DGAT1: variants seen among roughly 807,000 people sequenced by gnomAD.
DGAT1 encodes diacylglycerol O-acyltransferase 1, also known as ACAT related gene product 1.
Under a neutral mutation model 72.6 loss-of-function variants are expected in DGAT1, and 60 were observed. The observed-to-expected ratio is 0.83, with a 90% CI of 0.67 to 1.02. The LOEUF (loss-of-function observed/expected upper bound fraction) is 1.02, where lower values mean the gene tolerates loss of function less well. DGAT1 is among the 50% of genes least tolerant of loss of function. The pLI is 0.00. For synonymous variants in DGAT1, 290 were observed against 267.5 expected, an observed-to-expected ratio of 1.08 and a Z score of -0.82; for missense variants, 592 against 670.0, an observed-to-expected ratio of 0.88 and a Z score of 1.29.
At chr8:144,320,028 C>CA (rs1305441136) in intron 2 of DGAT1, among the ~76,000 whole-genome samples, 1 of 152,236 alleles carries the variant, frequency 6.6e-6, no homozygotes. Context: ...GCAGGGCTGA[C>CA]ACACAGGCCT....
chr8:144,325,221 G>A (rs1817569355), intron 1 of DGAT1, among the ~76,000 whole-genome samples: 1 of 151,938 alleles, frequency 6.6e-6, no homozygotes, highest in Admixed American at 6.6e-5. Flanking sequence ...CAGCACCCCA[G>A]GCCCACAGCA....
In DGAT1 at chr8:144,317,320, C is replaced by G. The variant is rs2130513760; in HGVS notation, c.1094+13G>C. The G allele has an allele frequency of 1.2e-6, 2 of 1,613,346 alleles. No homozygotes were observed. Among genetic ancestry groups the G allele is most frequent in the South Asian group, 1.1e-5 (1 of 91,076 alleles). ...CCCATCCCAGCCCCCAGGGACACCC[C>G]AGGGACACTCACCACCAGTCCCGGT... is the stretch of plus-strand genomic sequence containing the variant. On this transcript the variant is annotated intron_variant, in intron 13 of 16. Coordinates refer to ENST00000528718, the MANE Select transcript of DGAT1 (RefSeq NM_012079.6).
At chr8:144,317,162 T>TCA (rs201213845) in intron 14 of DGAT1, 25 bp downstream of exon 14, 56 of 1,598,644 alleles carry the variant, frequency 3.5e-5, no homozygotes, top group South Asian at 1.5e-4. Context: ...ATGTTCCACA[T>TCA]CACACACACA....
At position 144,321,439 on chromosome 8, in the gene DGAT1, G is replaced by A. The variant is rs1428802015; in HGVS notation, c.201-31C>T. On this transcript the variant is annotated intron_variant, in intron 1 of 16. Coordinates refer to ENST00000528718, the MANE Select transcript of DGAT1 (RefSeq NM_012079.6). ...AGAGCACAACACAAGCACCCCCTGA[G>A]TGGGCACCAGCAGGGCAGCGCCACC... 5 of 1,601,194 alleles carry A rather than the reference G, an allele frequency of 3.1e-6. No individual in the cohort carries two copies. The Admixed American group carries it at 8.3e-5, about 27-fold the overall frequency.
chr8:144,322,988 G>A (rs565953934), intron 1 of DGAT1, among the ~76,000 whole-genome samples: 4 of 152,296 alleles, frequency 2.6e-5, no homozygotes, highest in South Asian at 2.1e-4. Flanking sequence ...CCCCAGCACC[G>A]TGACGGGAGC....
chr8:144,326,139 G>A (rs1251859560), intron 1 of DGAT1, among the ~76,000 whole-genome samples: 1 of 152,020 alleles, frequency 6.6e-6, no homozygotes, highest in Non-Finnish European at 1.5e-5. Context: ...GCCCCCACCA[G>A]CCCGCCCCTC....
intron 1 of DGAT1, among the ~76,000 whole-genome samples, chr8:144,325,006 G>A (rs1817559663): frequency 6.6e-6 from 1 of 152,056 alleles, no homozygotes; most frequent in African/African-American, 2.4e-5. Context: ...AGAGGTTGCA[G>A]TGAGCCAAGA....
intron 1 of DGAT1, among the ~76,000 whole-genome samples, chr8:144,325,505 C>A (rs1447707224): frequency 1.3e-5 from 2 of 152,174 alleles, no homozygotes; most frequent in Admixed American, 6.5e-5. Context: ...GCCTTGATAA[C>A]CTCTAGGCCC....
Position 144,318,044 on chromosome 8 carries a change from C to T in DGAT1, c.752-27G>A. ...TGGAATGGGAATGGGGGGTTGGTAC[C>T]AGAACAGGCCCAGCCTGTCCCCCGC... On this transcript the variant is annotated intron_variant, in intron 8 of 16. Coordinates refer to ENST00000528718, the MANE Select transcript of DGAT1 (RefSeq NM_012079.6). The T allele has an allele frequency of 4.0e-6, 6 of 1,517,764 alleles. No individual in the cohort carries two copies. The Middle Eastern group carries it at 1.1e-3, about 271-fold the overall frequency. 94.0% of individuals were successfully genotyped at this position (1,517,764 alleles called of 1,614,324 possible). A position where few individuals can be genotyped will look rare whatever the true frequency, so the allele number is the denominator to read the frequency against.
Position 144,316,342 on chromosome 8 carries a change from G to T in DGAT1, c.*212C>A. On this transcript the variant is annotated 3_prime_UTR_variant, in exon 17 of 17. Transcript: ENST00000528718. ...CTCGGACCCGGGGCAGGGTCAGCAA[G>T]ACTCCCAGCTGGCATCAGACTGTGT... The T allele has an allele frequency of 1.6e-6, 1 of 640,566 alleles. No homozygotes were observed. Among genetic ancestry groups the T allele is most frequent in the Non-Finnish European group, 2.6e-6 (1 of 384,430 alleles). The allele number at this position is 640,566 out of a possible 1,614,324, so 39.7% of individuals were successfully genotyped here.
Position 144,321,307 on chromosome 8 carries a change from C to T in DGAT1, c.288+14G>A, listed in dbSNP as rs1817450015. 4 of 1,613,232 alleles carry T rather than the reference C, an allele frequency of 2.5e-6. No homozygotes were observed. The highest frequency in any genetic ancestry group is 3.4e-6 in the Non-Finnish European group (4 of 1,179,418). On this transcript the variant is annotated intron_variant, in intron 2 of 16. Coordinates refer to ENST00000528718, the MANE Select transcript of DGAT1 (RefSeq NM_012079.6). ...CTGGACCTAGACCCGCTCCCGACAC[C>T]ATGTCCCACTCACCAGCATCACCAC...
intron 2 of DGAT1, among the ~76,000 whole-genome samples, chr8:144,319,414 G>A (rs958928937): frequency 6.6e-6 from 1 of 152,168 alleles, no homozygotes; most frequent in African/African-American, 2.4e-5. Context: ...CTGCTGAGCC[G>A]AGCCAGTGAG....
intron 2 of DGAT1, among the ~76,000 whole-genome samples, chr8:144,319,664 GC>G: frequency 6.6e-6 from 1 of 152,260 alleles, no homozygotes; most frequent in Non-Finnish European, 1.5e-5. Flanking sequence ...GCTTCCTGCC[GC>G]CCTCTAAGCC....
At chr8:144,326,383 C>T in intron 1 of DGAT1, 54 bp downstream of exon 1, 1 of 1,355,396 alleles carries the variant, frequency 7.4e-7, no homozygotes, top group Non-Finnish European at 9.6e-7. Flanking sequence ...CGGCCAACCC[C>T]GGAAAGTCGC....
At chr8:144,325,709 G>A (rs1817578833) in intron 1 of DGAT1, among the ~76,000 whole-genome samples, 1 of 152,162 alleles carries the variant, frequency 6.6e-6, no homozygotes, top group African/African-American at 2.4e-5. Flanking sequence ...CAGCTGAGCA[G>A]GGCACACGCC....
At chr8:144,318,618 G>A (rs1311875443) in intron 5 of DGAT1, 52 bp from the exon 6 acceptor site, 1 of 1,603,970 alleles carries the variant, frequency 6.2e-7, no homozygotes, top group African/African-American at 1.3e-5. Context: ...CTGGGAGAGG[G>A]CTGCCAGGCC....
Position 144,321,422 on chromosome 8 carries a change from ACACAAGCACCCCCTGAGTGGG to A in DGAT1, c.201-35_201-15del, listed in dbSNP as rs781864592. ...AGGCGATGGCACCTGACAGAGCACA[ACACAAGCACCCCCTGAGTGGG>A]CACCAGCAGGGCAGCGCCACCCCCG... On this transcript the variant is annotated splice_polypyrimidine_tract_variant and intron_variant, in intron 1 of 16. Transcript: ENST00000528718. 6.2e-7 allele frequency: 1 copy of A among 1,613,118 alleles called. No homozygotes were observed. The highest frequency in any genetic ancestry group is 1.1e-5 in the South Asian group (1 of 91,054).
chr8:144,324,470 C>G (rs781901624), intron 1 of DGAT1, among the ~76,000 whole-genome samples: 6 of 152,150 alleles, frequency 3.9e-5, no homozygotes, highest in Admixed American at 6.5e-5. Flanking sequence ...GTCTGAGGGA[C>G]AAGCACACAT....
At chr8:144,324,432 C>T (rs1180169317) in intron 1 of DGAT1, among the ~76,000 whole-genome samples, 4 of 152,190 alleles carry the variant, frequency 2.6e-5, no homozygotes, top group African/African-American at 9.6e-5. Context: ...TGTCCACAGC[C>T]AGTGGCCGAG....
Sources: gnomAD v4.1 joint callset for allele counts (sites outside exome capture counted in the v4.1 genomes callset) on GRCh38, gnomAD v4.1.1 for gene constraint, MANE v1.5 for transcripts, NCBI Gene and HGNC (gene_info 2026-07-23, HGNC 2026-07-21) for gene names.